ASAH1: variants seen among roughly 807,000 people sequenced by gnomAD.
ASAH1 encodes N-acylsphingosine amidohydrolase 1.
Under a neutral mutation model 59.5 loss-of-function variants are expected in ASAH1, and 70 were observed. The ratio of observed to expected loss-of-function variants is 1.18; its 90% CI spans 0.97 to 1.43. ASAH1 has a LOEUF of 1.43. Among genes scored for constraint, ASAH1 ranks in the 40% most tolerant of loss-of-function variants. The probability of loss-of-function intolerance (pLI) is 0.00; values close to 1 mark genes in which losing one functional copy is unlikely to be tolerated. For synonymous variants in ASAH1, 213 were observed against 166.5 expected, an observed-to-expected ratio of 1.28 and a Z score of -2.15; for missense variants, 660 against 482.5, an observed-to-expected ratio of 1.37 and a Z score of -3.45.
At chr8:18,079,580 C>T (rs1362789792) in intron 1 of ASAH1, among the ~76,000 whole-genome samples, 1 of 152,116 alleles carries the variant, frequency 6.6e-6, no homozygotes, top group Non-Finnish European at 1.5e-5. Context: ...ATAATGTATG[C>T]TTCTAATAGT....
chr8:18,084,482 C>T, upstream of ASAH1: 2 of 1,314,458 alleles, frequency 1.5e-6, no homozygotes, highest in Non-Finnish European at 2.0e-6. Context: ...TCGGTACCCA[C>T]GAAACGGATC....
At position 18,059,347 on chromosome 8, in the gene ASAH1, G is replaced by T. The variant is rs764889509; in HGVS notation, c.1035C>A (p.Ser345Arg). ...GATGACCCTGCAAAGGTACCTCTTG[G>T]CTGGTGCGGTTCAGACACATCTTTG... is the stretch of plus-strand genomic sequence containing the variant. ...TPAKMCLNRTSQENISFETMY... is the reference protein window; with the variant it reads ...TPAKMCLNRTRQENISFETMY... Residue 345 changes from serine (S) to arginine (R), a missense_variant, in exon 12 of 14, where the codon AGC (serine) becomes AGA (arginine). Coordinates refer to ENST00000637790, the MANE Select transcript of ASAH1 (RefSeq NM_177924.5). The T allele has an allele frequency of 2.6e-5, 42 of 1,614,172 alleles. 1 individual carries two copies. The Middle Eastern group carries it at 9.9e-4, about 38-fold the overall frequency.
upstream of ASAH1, chr8:18,084,408 C>T (rs947313528): frequency 2.2e-6 from 3 of 1,393,246 alleles, no homozygotes; most frequent in Non-Finnish European, 2.8e-6. Flanking sequence ...GAGCTTCACC[C>T]GTGGCGCCTC....
intron 2 of ASAH1, among the ~76,000 whole-genome samples, chr8:18,074,690 A>T (rs1045661518): frequency 6.6e-6 from 1 of 152,282 alleles, no homozygotes; most frequent in East Asian, 1.9e-4. Context: ...CCATTTAAAC[A>T]CTGAGGATTT....
intron 1 of ASAH1, among the ~76,000 whole-genome samples, chr8:18,080,656 C>G (rs1174180997): frequency 6.6e-6 from 1 of 152,194 alleles, no homozygotes; most frequent in African/African-American, 2.4e-5. Context: ...CTCCCAGGTT[C>G]AAGCAATTCT....
At chr8:18,084,162 G>T, upstream of ASAH1, 1 of 1,556,732 alleles carries the variant, frequency 6.4e-7, no homozygotes, top group East Asian at 2.4e-5. Context: ...CCCGCGACCT[G>T]GGACCGCACC....
In ASAH1 at chr8:18,062,975, A is replaced by C. The variant is rs141714656; in HGVS notation, c.503+210T>G. The C allele has an allele frequency of 1.7e-3, 904 of 545,202 alleles. 17 individuals are homozygous for C. Among genetic ancestry groups the C allele is most frequent in the African/African-American group, 0.016 (828 of 51,860 alleles). The allele number at this position is 545,202 out of a possible 1,614,324, so 33.8% of individuals were successfully genotyped here. ...AACCTCCGCCTCGCAGGTTCAAAAA[A>C]GTCTCTGCCTCAGGCTCCCAAGTAG... On this transcript the variant is annotated intron_variant, in intron 7 of 13. Coordinates refer to ENST00000637790, the MANE Select transcript of ASAH1 (RefSeq NM_177924.5).
At chr8:18,082,777 G>T (rs969175897) in intron 1 of ASAH1, among the ~76,000 whole-genome samples, 2 of 152,128 alleles carry the variant, frequency 1.3e-5, no homozygotes, top group Non-Finnish European at 2.9e-5. Flanking sequence ...AATTTGTTCA[G>T]CTTATGGTGT....
rs1355751897 is a variant in ASAH1 at position 18,064,527 on chromosome 8, C to G, written c.387G>C (p.Glu129Asp). The change falls in exon 6 of 14, where the codon GAG (glutamate) becomes GAC (aspartate). Residue 129 changes from glutamate (E) to aspartate (D), a missense_variant. By Grantham distance (45) the Glu-to-Asp change is conservative. Coordinates refer to ENST00000637790, the MANE Select transcript of ASAH1 (RefSeq NM_177924.5). ...IAAVTDIPLGEIISFNIFYEL... is the reference protein window; with the variant it reads ...IAAVTDIPLGDIISFNIFYEL... The stretch of plus-strand genomic sequence containing the variant: ...CATAAAAAATATTGAATGAAATAAT[C>G]TCTCCTATGAGAAAAGAAAATTTTG... 6.6e-7 allele frequency: 1 copy of G among 1,525,572 alleles called. No homozygotes were observed. The highest frequency in any genetic ancestry group is 1.4e-5 in the African/African-American group (1 of 72,268). 94.5% of individuals were successfully genotyped at this position (1,525,572 alleles called of 1,614,324 possible). A position where few individuals can be genotyped will look rare whatever the true frequency, so the allele number is the denominator to read the frequency against.
chr8:18,061,437 C>T lies in ASAH1; in HGVS notation c.725G>A (p.Gly242Glu). The part of the protein sequence containing the change: ...GYLGILEWIL[G>E]KKDVMWIGFL... ...CCCTATCCACATGACATCTTTCTTT[C>T]CCAGAATCCATTCTAGAATACCTGG... Residue 242 changes from glycine to glutamate, a missense_variant, in exon 10 of 14, where the codon GGA becomes GAA. Physicochemically the swap from Gly to Glu is moderately conservative, Grantham distance 98 (BLOSUM62 -2). Coordinates refer to ENST00000637790, the MANE Select transcript of ASAH1 (RefSeq NM_177924.5). 6.2e-7 allele frequency: 1 copy of T among 1,612,674 alleles called. No homozygotes were observed. The highest frequency in any genetic ancestry group is 8.5e-7 in the Non-Finnish European group (1 of 1,178,630).
chr8:18,069,818 T>C lies in ASAH1; in HGVS notation c.277A>G (p.Ile93Val), dbSNP rs1049874. 0.47 allele frequency: 742,194 copies of C among 1,562,986 alleles called. 181,906 individuals are homozygous for C. The highest frequency in any genetic ancestry group is 0.61 in the Admixed American group (36,395 of 59,550). ...MINTFVPSGK[I>V]MQVVDEKLPG... ...AATTTTTCATCCACCACCTGCATAA[T>C]TTTTCCACTTGGCACGAATGTATTT... The change falls in exon 4 of 14, where the codon ATT (isoleucine) becomes GTT (valine). Residue 93 changes from isoleucine (I) to valine (V), a missense_variant. Coordinates refer to ENST00000637790, the MANE Select transcript of ASAH1 (RefSeq NM_177924.5).
chr8:18,065,687 C>G (rs934298313), intron 5 of ASAH1: 2 of 151,946 alleles, frequency 1.3e-5, no homozygotes, highest in Non-Finnish European at 2.9e-5. Flanking sequence ...AAATCAGTAA[C>G]TTAAATAAAT....
intron 6 of ASAH1, chr8:18,063,997 T>C (rs1799821011): frequency 4.5e-6 from 1 of 224,372 alleles, no homozygotes; most frequent in Admixed American, 5.2e-5. Flanking sequence ...CTGTGCTTTG[T>C]ACTCTGGGAA....
chr8:18,070,059 C>A (rs1302605682), intron 3 of ASAH1, among the ~76,000 whole-genome samples, 181 bp from the exon 4 acceptor site: 1 of 152,192 alleles, frequency 6.6e-6, no homozygotes, highest in Admixed American at 6.5e-5. Flanking sequence ...CGGCTCACTG[C>A]AATCTCTGCC....
intron 1 of ASAH1, 131 bp downstream of exon 1, chr8:18,083,850 A>G: frequency 6.6e-7 from 1 of 1,509,344 alleles, no homozygotes. Flanking sequence ...TGTGCACGAA[A>G]CCACAGACCC....
chr8:18,062,002 G>T (rs781083523), intron 8 of ASAH1: 4 of 619,566 alleles, frequency 6.5e-6, no homozygotes, highest in Non-Finnish European at 1.1e-5. Flanking sequence ...ACTTGCCTAA[G>T]TGAGCGGAAG....
chr8:18,058,015 T>C (rs1477543295), intron 13 of ASAH1: 1 of 157,500 alleles, frequency 6.3e-6, no homozygotes, highest in Non-Finnish European at 1.4e-5. Flanking sequence ...CCTGCCGGTG[T>C]CCTATGGAGT....
intron 5 of ASAH1, 71 bp downstream of exon 5, chr8:18,067,149 A>ACAGCACCTGTGC (rs1459578273): frequency 7.6e-4 from 1,044 of 1,374,616 alleles, no homozygotes; most frequent in Non-Finnish European, 9.5e-4. Flanking sequence ...CTGTATGTAT[A>ACAGCACCTGTGC]TCACACCTCA....
upstream of ASAH1, chr8:18,084,416 C>T (rs369765478): frequency 3.8e-5 from 53 of 1,387,588 alleles, no homozygotes; most frequent in African/African-American, 3.8e-4. Flanking sequence ...CCCGTGGCGC[C>T]TCGATGGGGC....
Sources: allele counts gnomAD v4.1 joint callset (sites outside exome capture counted in the v4.1 genomes callset), GRCh38; gene constraint gnomAD v4.1.1; transcripts MANE v1.5; gene names NCBI Gene and HGNC (gene_info 2026-07-23, HGNC 2026-07-21).